MAP3K20: variants seen among roughly 807,000 people sequenced by gnomAD.
MAP3K20 encodes the protein mitogen-activated protein kinase kinase kinase 20.
Under a neutral mutation model 85.7 loss-of-function variants are expected in MAP3K20, and 40 were observed. The observed-to-expected ratio is 0.47, with a 90% CI of 0.36 to 0.61. The LOEUF (loss-of-function observed/expected upper bound fraction) is 0.61, where lower values mean the gene tolerates loss of function less well. Among genes scored for constraint, MAP3K20 ranks in the 20% least tolerant of loss-of-function variants. The pLI is 0.00. For missense variants in MAP3K20, 817 were observed against 961.7 expected (o/e 0.85, Z 1.99); for synonymous variants, 325 against 327.7 (o/e 0.99, Z 0.09).
At chr2:173,190,186 T>G (rs574536806) in intron 5 of MAP3K20, among the ~76,000 whole-genome samples, 1 of 152,290 alleles carries the variant, frequency 6.6e-6, no homozygotes, top group South Asian at 2.1e-4. Context: ...AACTCCTGTG[T>G]TTTTCAGGTT....
rs1420654246 is a variant in MAP3K20 at position 173,266,096 on chromosome 2, A to C, written c.1749A>C (p.Ala583=). ...WLDTLRMRQI[A]SNTSLQRSQS... ...ATACTCTGAGGATGCGGCAGATTGC[A>C]TCCAACACTTCTTTACAGCGTTCCC... The change falls in exon 20 of 20, where the codon GCA becomes GCC. Residue 583 remains alanine, a synonymous_variant. Transcript: ENST00000375213. The C allele has an allele frequency of 6.2e-7, 1 of 1,603,298 alleles. No homozygotes were observed. Among genetic ancestry groups the C allele is most frequent in the Non-Finnish European group, 8.5e-7 (1 of 1,174,410 alleles).
chr2:173,210,177 C>G (rs369156755), intron 10 of MAP3K20: 3 of 240,036 alleles, frequency 1.2e-5, no homozygotes, highest in African/African-American at 6.9e-5. Flanking sequence ...CATGGAGAAA[C>G]CCTGTCTCTA....
intron 16 of MAP3K20, among the ~76,000 whole-genome samples, chr2:173,242,842 G>A (rs1684823207): frequency 6.6e-6 from 1 of 151,504 alleles, no homozygotes; most frequent in Non-Finnish European, 1.5e-5. Context: ...GAGTAGCTGG[G>A]ATTATAGGGG....
At chr2:173,077,740 G>A (rs935363539) in intron 1 of MAP3K20, among the ~76,000 whole-genome samples, 2 of 152,140 alleles carry the variant, frequency 1.3e-5, no homozygotes, top group African/African-American at 4.8e-5. Flanking sequence ...ATAGATGATT[G>A]ATCCGTTTTT....
chr2:173,229,747 A>G lies in MAP3K20; in HGVS notation c.1032+14A>G. The G allele has an allele frequency of 6.2e-7, 1 of 1,613,862 alleles. No individual in the cohort carries two copies. Among genetic ancestry groups the G allele is most frequent in the Non-Finnish European group, 8.5e-7 (1 of 1,179,888 alleles). On this transcript the variant is annotated intron_variant, in intron 12 of 19. Coordinates refer to ENST00000375213, the MANE Select transcript of MAP3K20 (RefSeq NM_016653.3). Reference sequence around the variant, plus strand: ...GAAGACGATGTGGTAAGCTCTTTGTATTCATGCCTTATTTGACTTGAGCAG... The same window carrying G: ...GAAGACGATGTGGTAAGCTCTTTGTGTTCATGCCTTATTTGACTTGAGCAG...
At chr2:173,115,950 A>G (rs1688109950) in intron 2 of MAP3K20, among the ~76,000 whole-genome samples, 1 of 151,856 alleles carries the variant, frequency 6.6e-6, no homozygotes, top group Admixed American at 6.6e-5. Context: ...ACTTGCAATC[A>G]TGGCAGAAAG....
At chr2:173,138,865 A>G (rs1688880719) in intron 2 of MAP3K20, among the ~76,000 whole-genome samples, 1 of 152,246 alleles carries the variant, frequency 6.6e-6, no homozygotes, top group Non-Finnish European at 1.5e-5. Flanking sequence ...TCTATCAGCT[A>G]GGGCCATAGT....
At chr2:173,082,506 C>T (rs1687038818) in intron 1 of MAP3K20, among the ~76,000 whole-genome samples, 1 of 152,186 alleles carries the variant, frequency 6.6e-6, no homozygotes, top group Non-Finnish European at 1.5e-5. Context: ...TGGTCTGATA[C>T]TTTCTATTTG....
intron 2 of MAP3K20, among the ~76,000 whole-genome samples, chr2:173,154,873 T>C (rs1479387900): frequency 2.0e-5 from 3 of 152,118 alleles, no homozygotes; most frequent in South Asian, 4.1e-4. Flanking sequence ...AGCATTACTA[T>C]AGAAATCCAA....
At chr2:173,245,620 G>A (rs1241900548) in intron 16 of MAP3K20, among the ~76,000 whole-genome samples, 1 of 152,212 alleles carries the variant, frequency 6.6e-6, no homozygotes, top group Non-Finnish European at 1.5e-5. Flanking sequence ...CTCCTAAGTA[G>A]TAAAGTTAAT....
At chr2:173,177,079 G>C (rs1446688990) in intron 3 of MAP3K20, among the ~76,000 whole-genome samples, 1 of 152,138 alleles carries the variant, frequency 6.6e-6, no homozygotes, top group African/African-American at 2.4e-5. Context: ...AGGAGAAATA[G>C]GCAATTCACC....
chr2:173,256,128 T>C (rs1685152371), intron 16 of MAP3K20, among the ~76,000 whole-genome samples: 2 of 152,260 alleles, frequency 1.3e-5, no homozygotes, highest in South Asian at 2.1e-4. Flanking sequence ...GCGATTCATC[T>C]AGAGGCTTTC....
intron 1 of MAP3K20, among the ~76,000 whole-genome samples, chr2:173,076,232 C>T (rs1159612228): frequency 6.6e-6 from 1 of 151,872 alleles, no homozygotes; most frequent in African/African-American, 2.4e-5. Flanking sequence ...CCGGGAAGTC[C>T]TCGCGGGACC....
At chr2:173,239,165 G>T (rs760100554) in intron 15 of MAP3K20, among the ~76,000 whole-genome samples, 1 of 152,210 alleles carries the variant, frequency 6.6e-6, no homozygotes, top group Non-Finnish European at 1.5e-5. Flanking sequence ...TGTGATAAAT[G>T]TAAGACAGTG....
intron 11 of MAP3K20, chr2:173,221,244 C>T: frequency 6.2e-7 from 1 of 1,613,914 alleles, no homozygotes; most frequent in Non-Finnish European, 8.5e-7. Context: ...TGTCAGATCA[C>T]AGCAACAAGT....
chr2:173,158,566 C>T (rs1465389754), intron 2 of MAP3K20, among the ~76,000 whole-genome samples: 1 of 151,998 alleles, frequency 6.6e-6, no homozygotes, highest in Non-Finnish European at 1.5e-5. Context: ...CAAGGACAGT[C>T]GAATATAATA....
intron 1 of MAP3K20, among the ~76,000 whole-genome samples, chr2:173,081,135 C>G (rs1418398106): frequency 2.0e-5 from 3 of 151,746 alleles, no homozygotes; most frequent in Non-Finnish European, 2.9e-5. Flanking sequence ...CTGTCCTACA[C>G]TGTTTTACTT....
chr2:173,086,580 G>T (rs1158417361), intron 1 of MAP3K20, among the ~76,000 whole-genome samples: 2 of 152,196 alleles, frequency 1.3e-5, no homozygotes, highest in Non-Finnish European at 2.9e-5. Context: ...TTCACAACTA[G>T]CCAGTTCCCA....
intron 2 of MAP3K20, among the ~76,000 whole-genome samples, chr2:173,127,943 A>C (rs1000131823): frequency 6.6e-6 from 1 of 152,160 alleles, no homozygotes; most frequent in African/African-American, 2.4e-5. Context: ...ATACATGCCC[A>C]AAGTCATATA....
Sources: gnomAD v4.1 joint callset for allele counts (sites outside exome capture counted in the v4.1 genomes callset) on GRCh38, gnomAD v4.1.1 for gene constraint, MANE v1.5 for transcripts, NCBI Gene and HGNC (gene_info 2026-07-23, HGNC 2026-07-21) for gene names.